Variants in PGAP4 observed in about 807,000 individuals in gnomAD.
PGAP4 encodes post-GPI attachment to proteins GalNAc transferase 4, also known as GPI-N-acetylgalactosamine transferase PGAP4.
A neutral mutation model predicts 28.2 loss-of-function variants in PGAP4; 12 were observed. That is an observed-to-expected ratio of 0.42 (90% CI 0.27 to 0.69). PGAP4 has a LOEUF of 0.69. Ranked by LOEUF, PGAP4 falls within the 30% of genes least tolerant of loss-of-function variation. The probability of loss-of-function intolerance (pLI) is 0.22; values close to 1 mark genes in which losing one functional copy is unlikely to be tolerated. For missense variants in PGAP4, 425 were observed against 513.5 expected, an observed-to-expected ratio of 0.83 and a Z score of 1.67; for synonymous variants, 205 against 211.8, an observed-to-expected ratio of 0.97 and a Z score of 0.28.
intron 1 of PGAP4, among the ~76,000 whole-genome samples, chr9:101,479,523 C>G (rs1041347335): frequency 2.0e-5 from 3 of 152,172 alleles, no homozygotes; most frequent in African/African-American, 7.2e-5. Flanking sequence ...TCAGGAGAAC[C>G]TTTGGTCCCA....
In PGAP4 at chr9:101,506,289, C is replaced by T. The variant is rs191465154; in HGVS notation, c.-164-17089G>A. ...ATCTCACCCAATTTTGGTAGACACT[C>T]GAGGCACTCTTTTTACTTTACACCC... is the stretch of plus-strand genomic sequence containing the variant. On this transcript the variant is annotated intron_variant, in intron 2 of 3. Transcript: ENST00000374851. Among the ~76,000 whole-genome samples, 859 of 152,156 alleles carry T rather than the reference C, an allele frequency of 5.6e-3. 5 individuals are homozygous for T. Among genetic ancestry groups the T allele is most frequent in the Non-Finnish European group, 9.2e-3 (624 of 67,972 alleles).
At chr9:101,532,288 A>G (rs912216571) in intron 1 of PGAP4, among the ~76,000 whole-genome samples, 2 of 151,972 alleles carry the variant, frequency 1.3e-5, no homozygotes, top group African/African-American at 2.4e-5. Context: ...GAAAAAAAAA[A>G]AAAAAGAAGA....
intron 2 of PGAP4, among the ~76,000 whole-genome samples, chr9:101,523,961 G>A (rs374745384): frequency 2.0e-5 from 3 of 151,880 alleles, no homozygotes; most frequent in Admixed American, 6.6e-5. Flanking sequence ...CTTTTCCTAT[G>A]GATGTGGCTT....
At chr9:101,494,046 C>T (rs1404632421) in intron 2 of PGAP4, among the ~76,000 whole-genome samples, 1 of 151,910 alleles carries the variant, frequency 6.6e-6, no homozygotes, top group Non-Finnish European at 1.5e-5. Flanking sequence ...GATTTAAAAA[C>T]TGTTTGAGGC....
exon 1 of PGAP4, chr9:101,532,692 C>T (rs1451082480): frequency 6.6e-6 from 1 of 152,170 alleles, no homozygotes; most frequent in Non-Finnish European, 1.5e-5. Context: ...CTCAGGCTCC[C>T]ACTTCACGGA....
intron 2 of PGAP4, among the ~76,000 whole-genome samples, chr9:101,502,042 A>G (rs1259810963): frequency 6.6e-6 from 1 of 152,098 alleles, no homozygotes; most frequent in Non-Finnish European, 1.5e-5. Flanking sequence ...CTCATCACCA[A>G]ATGTCCAGCT....
chr9:101,531,444 G>C (rs530487775), exon 2 of PGAP4: 1 of 152,220 alleles, frequency 6.6e-6, no homozygotes, highest in South Asian at 2.1e-4. Context: ...ACCTAACTCA[G>C]TTGATTGGCT....
At chr9:101,482,996 A>C (rs898762617) in intron 1 of PGAP4, among the ~76,000 whole-genome samples, 2 of 152,368 alleles carry the variant, frequency 1.3e-5, no homozygotes, top group Non-Finnish European at 2.9e-5. Context: ...GATGCTACCA[A>C]GTTGCAAGAG....
At chr9:101,480,193 A>G (rs2118521029) in intron 1 of PGAP4, among the ~76,000 whole-genome samples, 1 of 152,266 alleles carries the variant, frequency 6.6e-6, no homozygotes, top group East Asian at 1.9e-4. Flanking sequence ...ATTACACACT[A>G]CACGAATAAG....
At chr9:101,496,742 T>C (rs574569857) in intron 2 of PGAP4, among the ~76,000 whole-genome samples, 1 of 151,048 alleles carries the variant, frequency 6.6e-6, no homozygotes, top group Admixed American at 6.6e-5. Flanking sequence ...AAATTTACCA[T>C]ACAAAATTTT....
intron 2 of PGAP4, among the ~76,000 whole-genome samples, chr9:101,515,696 A>C (rs950417632): frequency 1.3e-5 from 2 of 152,200 alleles, no homozygotes; most frequent in Non-Finnish European, 2.9e-5. Flanking sequence ...AATGAAAAAA[A>C]TAGTAAAACT....
Position 101,486,115 on chromosome 9 carries a change from G to GCCGGGTGTCTAGT in PGAP4, c.-78+833_-78+834insACTAGACACCCGG, listed in dbSNP as rs1564095305. Among the ~76,000 whole-genome samples the GCCGGGTGTCTAGT allele has an allele frequency of 3.9e-5, 6 of 152,190 alleles. No individual in the cohort carries two copies. The highest frequency in any genetic ancestry group is 6.5e-5 in the Admixed American group (1 of 15,286). On this transcript the variant is annotated intron_variant, in intron 1 of 1. Transcript: ENST00000374848. This position sits in a 1 kb window ranked among gnomAD's most constrained non-coding sequence, Gnocchi z 4.7. ...GAGCTCACGCCCCAAGACACCGCGAGCGCAGTGCGACACTAGCGACGCCGG... is the reference window on the plus strand; with the variant it reads ...GAGCTCACGCCCCAAGACACCGCGAGCCGGGTGTCTAGTCGCAGTGCGACACTAGCGACGCCGG...
chr9:101,482,117 T>C (rs928578227), intron 1 of PGAP4, among the ~76,000 whole-genome samples: 5 of 152,198 alleles, frequency 3.3e-5, no homozygotes, highest in Non-Finnish European at 5.9e-5. Flanking sequence ...CATTTATCTC[T>C]CTGAGCCTAT....
chr9:101,487,487 A>G (rs1371109479), upstream of PGAP4, among the ~76,000 whole-genome samples: 5 of 152,244 alleles, frequency 3.3e-5, no homozygotes, highest in South Asian at 4.1e-4. Context: ...CGCCTGAGGT[A>G]TGAGAAAGTA....
chr9:101,509,086 A>G (rs1826874273), intron 2 of PGAP4, among the ~76,000 whole-genome samples: 1 of 152,200 alleles, frequency 6.6e-6, no homozygotes, highest in Non-Finnish European at 1.5e-5. Context: ...TAGCGTGGAC[A>G]AAGTCAATTC....
chr9:101,507,663 A>G (rs1012174553), intron 2 of PGAP4, among the ~76,000 whole-genome samples: 1 of 152,072 alleles, frequency 6.6e-6, no homozygotes, highest in East Asian at 1.9e-4. Flanking sequence ...ATTATTCAAA[A>G]CCTTCCACCC....
chr9:101,495,174 T>C (rs1191930118), intron 2 of PGAP4, among the ~76,000 whole-genome samples: 1 of 107,920 alleles, frequency 9.3e-6, no homozygotes, highest in Admixed American at 1.5e-4. Context: ...ATATATATTA[T>C]ATATATTTTT....
At position 101,476,254 on chromosome 9, in the gene PGAP4, T is replaced by C; in HGVS notation, c.839A>G (p.Tyr280Cys). 2 of 1,613,990 alleles carry C rather than the reference T, an allele frequency of 1.2e-6. No homozygotes were observed. Among genetic ancestry groups the C allele is most frequent in the Non-Finnish European group, 1.7e-6 (2 of 1,179,980 alleles). Residue 280 changes from tyrosine (Y) to cysteine (C), a missense_variant, in exon 2 of 2, where the codon TAC becomes TGC. By Grantham distance (194) the Tyr-to-Cys change is radical. Coordinates refer to ENST00000374848, the MANE Select transcript of PGAP4 (RefSeq NM_032342.3). This position sits in a 1 kb window ranked among gnomAD's most constrained non-coding sequence, Gnocchi z 7.0. ...MLLGPLLTWI[Y>C]MRFASRPGFS... ...CCCTGGGCGGCTGGCAAACCTCATG[T>C]ATATCCAGGTTAGTAAGGGCCCCAG...
At chr9:101,509,565 A>G (rs1395505699) in intron 2 of PGAP4, among the ~76,000 whole-genome samples, 1 of 152,166 alleles carries the variant, frequency 6.6e-6, no homozygotes, top group African/African-American at 2.4e-5. Context: ...TCACTTCTGT[A>G]TATAAGAGAA....
Sources: allele counts gnomAD v4.1 joint callset (sites outside exome capture counted in the v4.1 genomes callset), GRCh38; gene constraint gnomAD v4.1.1; non-coding constraint Gnocchi (gnomAD v3.1); transcripts MANE v1.5; gene names NCBI Gene and HGNC (gene_info 2026-07-23, HGNC 2026-07-21).